KIAA1217: variants seen among roughly 807,000 people sequenced by gnomAD.
KIAA1217 encodes sickle tail protein homolog.
In KIAA1217, 88 loss-of-function variants were observed where a neutral mutation model predicts 163.9. That is an observed-to-expected ratio of 0.54 (90% confidence interval 0.45 to 0.64). The LOEUF is 0.64. Among genes scored for constraint, KIAA1217 ranks in the 30% least tolerant of loss-of-function variants. The pLI, the probability that KIAA1217 is intolerant of heterozygous loss-of-function variation, is 0.00. For synonymous variants in KIAA1217, 903 were observed against 923.1 expected (o/e 0.98, Z 0.39); for missense variants, 2,372 against 2,475.0 (o/e 0.96, Z 0.88).
chr10:23,818,346 A>AT (rs1491407392), intron 1 of KIAA1217, among the ~76,000 whole-genome samples: 169 of 97,632 alleles, frequency 1.7e-3, no homozygotes, highest in African/African-American at 2.7e-3. Flanking sequence ...ATATATATAT[A>AT]AAAAAATATA....
intron 1 of KIAA1217, among the ~76,000 whole-genome samples, chr10:23,727,342 C>T (rs1299769012): frequency 1.4e-5 from 2 of 143,052 alleles, no homozygotes; most frequent in East Asian, 4.0e-4. Flanking sequence ...GGGTGGATCA[C>T]CTAAGGCCAG....
chr10:24,540,860 C>G (rs2074937154), intron 17 of KIAA1217, among the ~76,000 whole-genome samples: 1 of 152,076 alleles, frequency 6.6e-6, no homozygotes, highest in Non-Finnish European at 1.5e-5. Flanking sequence ...CTTCTGCCTC[C>G]CAGGTTCAAG....
chr10:23,763,398 C>G (rs1008631641), intron 1 of KIAA1217, among the ~76,000 whole-genome samples: 4 of 152,184 alleles, frequency 2.6e-5, no homozygotes, highest in Non-Finnish European at 5.9e-5. Context: ...CAGCATGGTA[C>G]TGGTACCAAG....
chr10:23,853,544 G>A (rs1484581793), intron 1 of KIAA1217, among the ~76,000 whole-genome samples: 1 of 152,164 alleles, frequency 6.6e-6, no homozygotes, highest in Non-Finnish European at 1.5e-5. Flanking sequence ...GAGTTAGGGA[G>A]TATTCCCTCT....
chr10:23,921,415 A>G (rs1420119957), intron 1 of KIAA1217, among the ~76,000 whole-genome samples: 2 of 152,160 alleles, frequency 1.3e-5, no homozygotes, highest in African/African-American at 4.8e-5. Flanking sequence ...TGCTTGAATA[A>G]TTTAGCTTAA....
At chr10:23,749,453 G>A (rs1361906186) in intron 1 of KIAA1217, among the ~76,000 whole-genome samples, 2 of 151,946 alleles carry the variant, frequency 1.3e-5, no homozygotes, top group African/African-American at 4.8e-5. Context: ...CTATCACCAG[G>A]TTGGAGTGCA....
At chr10:24,251,921 G>A (rs942093208) in intron 2 of KIAA1217, among the ~76,000 whole-genome samples, 1 of 149,922 alleles carries the variant, frequency 6.7e-6, no homozygotes, top group South Asian at 2.1e-4. Context: ...AAGTTGGTTT[G>A]CAGATCAGAG....
intron 2 of KIAA1217, among the ~76,000 whole-genome samples, chr10:24,202,079 G>A (rs531119350): frequency 3.7e-4 from 56 of 152,294 alleles, no homozygotes; most frequent in Admixed American, 7.2e-4. Context: ...TCAGCCTCCC[G>A]GGGGTGACAT....
intron 1 of KIAA1217, among the ~76,000 whole-genome samples, chr10:23,893,545 G>T (rs1841512001): frequency 6.6e-6 from 1 of 151,906 alleles, no homozygotes; most frequent in South Asian, 2.1e-4. Flanking sequence ...TTTTGGATGT[G>T]TTTGCTCTTG....
chr10:23,737,922 G>A (rs1257327938), intron 1 of KIAA1217, among the ~76,000 whole-genome samples: 2 of 90,648 alleles, frequency 2.2e-5, no homozygotes, highest in Non-Finnish European at 4.5e-5. Context: ...TTACTGTGTG[G>A]CAAATTTATA....
At chr10:23,939,146 T>C (rs916158991) in intron 1 of KIAA1217, among the ~76,000 whole-genome samples, 5 of 151,650 alleles carry the variant, frequency 3.3e-5, no homozygotes, top group Non-Finnish European at 5.9e-5. Context: ...TATAATGTAA[T>C]AACAAAATAA....
intron 2 of KIAA1217, among the ~76,000 whole-genome samples, chr10:24,023,779 T>C (rs1847832907): frequency 6.6e-6 from 1 of 151,608 alleles, no homozygotes; most frequent in Admixed American, 6.6e-5. Flanking sequence ...AAATACCACA[T>C]AGCAATGAAA....
intron 1 of KIAA1217, among the ~76,000 whole-genome samples, chr10:23,696,901 T>C (rs1836080401): frequency 6.6e-6 from 1 of 152,204 alleles, no homozygotes; most frequent in Non-Finnish European, 1.5e-5. Flanking sequence ...GAATTATGCA[T>C]AGTTAAAAGT....
At chr10:24,298,255 T>G (rs1175662558) in intron 2 of KIAA1217, among the ~76,000 whole-genome samples, 2 of 152,044 alleles carry the variant, frequency 1.3e-5, no homozygotes, top group Non-Finnish European at 2.9e-5. Flanking sequence ...TACCTGAGCA[T>G]TTGTATATTG....
At chr10:23,748,581 AG>A (rs1839554111) in intron 1 of KIAA1217, among the ~76,000 whole-genome samples, 1 of 37,998 alleles carries the variant, frequency 2.6e-5, no homozygotes, top group South Asian at 9.1e-4. Flanking sequence ...GACGGAAGGA[AG>A]GGGGGAGGGA....
Position 24,000,838 on chromosome 10 carries a change from G to A in KIAA1217, c.-320-6387G>A, listed in dbSNP as rs555075808. Among the ~76,000 whole-genome samples the A allele has an allele frequency of 1.1e-4, 17 of 152,348 alleles. No homozygotes were observed. In the South Asian group the frequency reaches 1.2e-3, roughly 11 times the overall value. ...CCAGGTCGAGCACTGCTCGCCCTCC[G>A]TGGGCCTCCTGTGTGTTCAAATGGG... is the stretch of plus-strand genomic sequence containing the variant. On this transcript the variant is annotated intron_variant, in intron 1 of 18. Transcript: ENST00000376462.
At chr10:23,994,053 A>C (rs188085771) in intron 1 of KIAA1217, among the ~76,000 whole-genome samples, 15 of 152,152 alleles carry the variant, frequency 9.9e-5, no homozygotes, top group South Asian at 2.1e-4. Flanking sequence ...CTTAGCGACT[A>C]CTCTAGCTTG....
intron 2 of KIAA1217, among the ~76,000 whole-genome samples, chr10:24,312,914 TCAAA>T (rs2133078844): frequency 6.6e-6 from 1 of 152,142 alleles, no homozygotes; most frequent in Admixed American, 6.6e-5. Flanking sequence ...CATCCTTGTC[TCAAA>T]CAAACAAAAC....
At chr10:24,282,616 C>T (rs945979443) in intron 2 of KIAA1217, among the ~76,000 whole-genome samples, 1 of 152,080 alleles carries the variant, frequency 6.6e-6, no homozygotes, top group Non-Finnish European at 1.5e-5. Context: ...TTTCAGTTGA[C>T]CCCTGTGTTC....
Sources: gnomAD v4.1 joint callset for allele counts (sites outside exome capture counted in the v4.1 genomes callset) on GRCh38, gnomAD v4.1.1 for gene constraint, MANE v1.5 for transcripts, NCBI Gene and HGNC (gene_info 2026-07-23, HGNC 2026-07-21) for gene names.